GRIN3A: variants seen among roughly 807,000 people sequenced by gnomAD.
GRIN3A encodes glutamate ionotropic receptor NMDA type subunit 3A, also known as glutamate receptor ionotropic, NMDA 3A.
In GRIN3A, 47 loss-of-function variants were observed where a neutral mutation model predicts 92.4. The observed-to-expected ratio is 0.51, with a 90% confidence interval of 0.40 to 0.65. GRIN3A has a LOEUF of 0.65. Ranked by LOEUF, GRIN3A falls within the 30% of genes least tolerant of loss-of-function variation. The probability of loss-of-function intolerance (pLI) is 0.00; values close to 1 mark genes in which losing one functional copy is unlikely to be tolerated. For missense variants in GRIN3A, 1,324 were observed against 1,393.1 expected (o/e 0.95, Z 0.79); for synonymous variants, 527 against 540.6 (o/e 0.97, Z 0.35).
intron 5 of GRIN3A, among the ~76,000 whole-genome samples, chr9:101,620,715 G>C (rs1564128426): frequency 1.3e-5 from 2 of 151,926 alleles, no homozygotes; most frequent in Non-Finnish European, 2.9e-5. Context: ...AAAGGTTATG[G>C]GTAGGCATAT....
rs184085444 is a variant in GRIN3A at position 101,631,275 on chromosome 9, C to G, written c.2353-2874G>C. ...AATTAATTGATAACTGTTCTTTGAA[C>G]TTAGAGGAAGGTGACAGCTTTGTCA... On this transcript the variant is annotated intron_variant, in intron 3 of 8. Transcript: ENST00000361820. Among the ~76,000 whole-genome samples the G allele has an allele frequency of 5.4e-4, 82 of 152,214 alleles. 1 individual carries two copies. The highest frequency in any genetic ancestry group is 5.2e-4 in the Admixed American group (8 of 15,278).
At chr9:101,585,839 A>T (rs903930800) in intron 6 of GRIN3A, among the ~76,000 whole-genome samples, 6 of 152,112 alleles carry the variant, frequency 3.9e-5, no homozygotes, top group African/African-American at 1.4e-4. Context: ...CCTGTGCTCA[A>T]TGCCTGGTCA....
At chr9:101,691,230 A>G (rs1174396767) in intron 1 of GRIN3A, among the ~76,000 whole-genome samples, 5 of 152,242 alleles carry the variant, frequency 3.3e-5, no homozygotes. Flanking sequence ...TTAAGCTCCT[A>G]CCTTGAGCCA....
chr9:101,605,908 A>T (rs1236126989), intron 6 of GRIN3A, among the ~76,000 whole-genome samples: 2 of 152,204 alleles, frequency 1.3e-5, no homozygotes, highest in Admixed American at 1.3e-4. Flanking sequence ...CCCTGGATTC[A>T]GCAAGAAAAT....
At chr9:101,580,779 T>C (rs1827877471) in intron 6 of GRIN3A, among the ~76,000 whole-genome samples, 1 of 152,222 alleles carries the variant, frequency 6.6e-6, no homozygotes, top group South Asian at 2.1e-4. Flanking sequence ...TACTGCAACT[T>C]TTAAGTGGCA....
At chr9:101,705,780 A>G (rs1699985810) in intron 1 of GRIN3A, among the ~76,000 whole-genome samples, 1 of 152,202 alleles carries the variant, frequency 6.6e-6, no homozygotes, top group Admixed American at 6.5e-5. Context: ...TATTGGATGC[A>G]TGTTTATGGT....
chr9:101,646,374 T>C (rs577973725), intron 3 of GRIN3A, among the ~76,000 whole-genome samples: 1 of 151,914 alleles, frequency 6.6e-6, no homozygotes, highest in South Asian at 2.1e-4. Flanking sequence ...TTACGCAAGG[T>C]TTATGTGTCC....
intron 2 of GRIN3A, among the ~76,000 whole-genome samples, chr9:101,677,395 C>T (rs1829412384): frequency 6.6e-6 from 1 of 151,736 alleles, no homozygotes; most frequent in African/African-American, 2.4e-5. Flanking sequence ...CTCTCCCTCC[C>T]TCTCCCCCTT....
intron 1 of GRIN3A, among the ~76,000 whole-genome samples, 170 bp downstream of exon 1, chr9:101,737,111 T>C (rs963372040): frequency 1.8e-4 from 28 of 152,196 alleles, no homozygotes; most frequent in African/African-American, 6.8e-4. Context: ...CTACTTCTAC[T>C]AAGCTCCTTC....
intron 1 of GRIN3A, among the ~76,000 whole-genome samples, chr9:101,727,025 A>G (rs1360576105): frequency 6.6e-6 from 1 of 152,172 alleles, no homozygotes; most frequent in Non-Finnish European, 1.5e-5. Flanking sequence ...AAGGAAAACA[A>G]TGACGGTGTC....
intron 1 of GRIN3A, among the ~76,000 whole-genome samples, chr9:101,715,200 T>TAAAAAAA (rs5899459): frequency 7.0e-5 from 9 of 127,680 alleles, no homozygotes; most frequent in Non-Finnish European, 1.1e-4. Flanking sequence ...ACAAAAATGG[T>TAAAAAAA]AAAAAAAAAA....
chr9:101,705,592 T>G (rs535693572), intron 1 of GRIN3A, among the ~76,000 whole-genome samples: 35 of 152,248 alleles, frequency 2.3e-4, no homozygotes, highest in African/African-American at 8.4e-4. Flanking sequence ...TCACTTGGGT[T>G]CCGGCACCTG....
intron 8 of GRIN3A, 69 bp from the exon 9 acceptor site, chr9:101,573,582 AG>A: frequency 1.6e-6 from 2 of 1,259,516 alleles, no homozygotes; most frequent in Admixed American, 3.5e-5. Context: ...TTCATCTGTT[AG>A]CCATTTCCTG....
chr9:101,697,218 C>T (rs530512162), intron 1 of GRIN3A, among the ~76,000 whole-genome samples: 7 of 152,128 alleles, frequency 4.6e-5, no homozygotes, highest in Non-Finnish European at 1.0e-4. Context: ...AACTTGTGAT[C>T]TATTAATTAT....
Position 101,573,219 on chromosome 9 carries a change from C to T in GRIN3A, c.3303G>A (p.Thr1101=), listed in dbSNP as rs774947531. ...TTGTCCTTTGATACTCCTCCAGCTC[C>T]GTTTTCCTGCTCACAGCCAGCTGCA... ...QELQLAVSRK[T]ELEEYQRTSR... The change falls in exon 9 of 9, where the codon ACG becomes ACA. Residue 1101 remains threonine (T), a synonymous_variant. Coordinates refer to ENST00000361820, the MANE Select transcript of GRIN3A (RefSeq NM_133445.3). 42 of 1,613,976 alleles carry T rather than the reference C, an allele frequency of 2.6e-5. 1 individual carries two copies. In the East Asian group the frequency reaches 4.2e-4, roughly 16 times the overall value.
In GRIN3A at chr9:101,579,057, C is replaced by G. The variant is rs138302021; in HGVS notation, c.2931+139G>C. The stretch of plus-strand genomic sequence containing the variant: ...ATTAATGGGATAGAGAGAATTCCTT[C>G]TGCTCTAATGAGAGTGCCTACCCCA... On this transcript the variant is annotated intron_variant, in intron 7 of 8. Coordinates refer to ENST00000361820, the MANE Select transcript of GRIN3A (RefSeq NM_133445.3). 2.0e-4 allele frequency: 163 copies of G among 811,656 alleles called. No individual in the cohort carries two copies. The East Asian group carries it at 3.7e-3, about 18-fold the overall frequency. The allele number at this position is 811,656 out of a possible 1,614,324, so 50.3% of individuals were successfully genotyped here.
intron 2 of GRIN3A, among the ~76,000 whole-genome samples, chr9:101,675,996 CT>C (rs920652481): frequency 1.4e-4 from 22 of 151,914 alleles, no homozygotes; most frequent in African/African-American, 5.3e-4. Flanking sequence ...TGTTGCCCCC[CT>C]GATTTTTCTT....
intron 7 of GRIN3A, among the ~76,000 whole-genome samples, chr9:101,578,435 T>G (rs1162698338): frequency 6.6e-6 from 1 of 151,798 alleles, no homozygotes; most frequent in East Asian, 1.9e-4. Flanking sequence ...AATGCAGAAG[T>G]GACAGCCTCC....
chr9:101,631,806 T>C (rs1025835855), intron 3 of GRIN3A, among the ~76,000 whole-genome samples: 3 of 152,210 alleles, frequency 2.0e-5, no homozygotes, highest in Admixed American at 2.0e-4. Flanking sequence ...GGGACCTCAC[T>C]CTAACATGGA....
Sources: gnomAD v4.1 joint callset for allele counts (sites outside exome capture counted in the v4.1 genomes callset) on GRCh38, gnomAD v4.1.1 for gene constraint, MANE v1.5 for transcripts, NCBI Gene and HGNC (gene_info 2026-07-23, HGNC 2026-07-21) for gene names.